The following PDE11A variants were observed in gnomAD, a reference collection of about 807,000 sequenced individuals.
PDE11A encodes the protein phosphodiesterase 11A.
PDE11A carries 100 observed loss-of-function variants against 100.5 expected under a neutral mutation model. The ratio of observed to expected loss-of-function variants is 1.00; its 90% confidence interval spans 0.85 to 1.18. The LOEUF (loss-of-function observed/expected upper bound fraction) is 1.18. PDE11A is among the 50% of genes most tolerant of loss of function. PDE11A has a pLI of 0.00. For synonymous variants in PDE11A, 381 were observed against 420.8 expected (o/e 0.91, Z 1.16); for missense variants, 1,141 against 1,152.6 (o/e 0.99, Z 0.15).
chr2:177,757,721 C>T (rs1280990558), intron 10 of PDE11A, among the ~76,000 whole-genome samples: 1 of 152,102 alleles, frequency 6.6e-6, no homozygotes, highest in Non-Finnish European at 1.5e-5. Flanking sequence ...CCTGTGGATG[C>T]TGCTCTGGGA....
At position 178,096,461 on chromosome 2, in the gene PDE11A, C is replaced by T. The variant is rs531097111; in HGVS notation, c.162+7841G>A. Among the ~76,000 whole-genome samples, 4 of 152,158 alleles carry T rather than the reference C, an allele frequency of 2.6e-5. No homozygotes were observed. In the South Asian group the frequency reaches 8.3e-4, roughly 32 times the overall value. ...GTGCTGGGATTACAGGCCTGAGCCA[C>T]TGCGCCTGGCCCACGTTTTTCTTTT... On this transcript the variant is annotated intron_variant, in intron 2 of 20. Transcript: ENST00000358450.
At chr2:177,684,342 C>A (rs1373057440) in intron 15 of PDE11A, among the ~76,000 whole-genome samples, 1 of 151,954 alleles carries the variant, frequency 6.6e-6, no homozygotes, top group Non-Finnish European at 1.5e-5. Context: ...ACCTGGGGCA[C>A]AAAACTGAAG....
chr2:177,852,910 C>A (rs961695510), intron 5 of PDE11A, among the ~76,000 whole-genome samples: 1 of 152,134 alleles, frequency 6.6e-6, no homozygotes, highest in African/African-American at 2.4e-5. Context: ...TTTAAGCATT[C>A]TGTATTAACA....
chr2:178,004,413 C>G (rs552171578), intron 2 of PDE11A, among the ~76,000 whole-genome samples: 3 of 152,148 alleles, frequency 2.0e-5, no homozygotes, highest in Non-Finnish European at 4.4e-5. Flanking sequence ...TTTCAGCATT[C>G]TAAGATGAAA....
At chr2:177,809,162 GA>G (rs1157415721) in intron 9 of PDE11A, among the ~76,000 whole-genome samples, 1 of 152,110 alleles carries the variant, frequency 6.6e-6, no homozygotes, top group African/African-American at 2.4e-5. Flanking sequence ...TTGGGAAGAT[GA>G]AAAAGTTCTG....
intron 5 of PDE11A, among the ~76,000 whole-genome samples, chr2:177,856,563 C>T (rs1028163428): frequency 1.3e-5 from 2 of 151,940 alleles, no homozygotes; most frequent in Non-Finnish European, 2.9e-5. Flanking sequence ...TATGAGAAGG[C>T]TGTCTCCCAA....
At chr2:177,964,822 C>A (rs778355421) in intron 2 of PDE11A, among the ~76,000 whole-genome samples, 4 of 152,110 alleles carry the variant, frequency 2.6e-5, no homozygotes, top group Admixed American at 6.6e-5. Context: ...ACTAGTGCTG[C>A]GATGAACGTG....
At chr2:177,647,614 C>T (rs2080242146) in intron 19 of PDE11A, among the ~76,000 whole-genome samples, 2 of 152,182 alleles carry the variant, frequency 1.3e-5, no homozygotes, top group Admixed American at 6.5e-5. Flanking sequence ...GGCTTCCTGC[C>T]TAGCACCAGA....
At chr2:177,812,922 T>C (rs147437199) in intron 9 of PDE11A, among the ~76,000 whole-genome samples, 20 of 87,082 alleles carry the variant, frequency 2.3e-4, no homozygotes, top group African/African-American at 1.1e-3. Flanking sequence ...TATATAGAAT[T>C]TGTATCCAAC....
chr2:177,672,739 A>G (rs2080701989), intron 17 of PDE11A, among the ~76,000 whole-genome samples: 1 of 152,234 alleles, frequency 6.6e-6, no homozygotes, highest in Admixed American at 6.5e-5. Context: ...GCTTATAACC[A>G]GGAATGAAAG....
chr2:177,826,152 A>C (rs1574183525), intron 6 of PDE11A, among the ~76,000 whole-genome samples: 2 of 152,186 alleles, frequency 1.3e-5, no homozygotes, highest in East Asian at 3.8e-4. Flanking sequence ...GCGAGTGCTT[A>C]GTTCTTTCCA....
intron 6 of PDE11A, among the ~76,000 whole-genome samples, chr2:177,834,273 A>T (rs1232731403): frequency 1.3e-5 from 2 of 152,164 alleles, no homozygotes; most frequent in South Asian, 4.2e-4. Flanking sequence ...TGCAGACCCA[A>T]ACATCTCTCT....
chr2:177,921,184 C>T (rs140035320), intron 2 of PDE11A, among the ~76,000 whole-genome samples: 52 of 149,460 alleles, frequency 3.5e-4, no homozygotes, highest in African/African-American at 1.2e-3. Context: ...GATCCAGAAA[C>T]GTAGCATATT....
intron 9 of PDE11A, among the ~76,000 whole-genome samples, chr2:177,812,245 C>T (rs116227877): frequency 1.7e-3 from 261 of 152,170 alleles, no homozygotes; most frequent in African/African-American, 6.1e-3. Flanking sequence ...ACCCATTTAA[C>T]ATATGAATAA....
At chr2:178,035,967 A>G (rs2086608411) in intron 1 of PDE11A, among the ~76,000 whole-genome samples, 1 of 152,214 alleles carries the variant, frequency 6.6e-6, no homozygotes, top group African/African-American at 2.4e-5. Context: ...CCAACACAAG[A>G]CAAGGATGCC....
At chr2:177,795,934 A>AATATATATATATAT (rs1558942848) in intron 9 of PDE11A, among the ~76,000 whole-genome samples, 6 of 35,382 alleles carry the variant, frequency 1.7e-4, no homozygotes, top group East Asian at 1.2e-3. Flanking sequence ...TTTTGTTTAA[A>AATATATATATATAT]CTATATATAT....
intron 2 of PDE11A, among the ~76,000 whole-genome samples, chr2:177,989,729 C>T (rs2085980873): frequency 6.6e-6 from 1 of 152,050 alleles, no homozygotes; most frequent in African/African-American, 2.4e-5. Flanking sequence ...ACCAGGAGTC[C>T]ACTGGAATCC....
intron 1 of PDE11A, among the ~76,000 whole-genome samples, chr2:178,025,886 GAGGCTCTAAGGTAAAACC>G (rs2086472404): frequency 6.6e-6 from 1 of 152,196 alleles, no homozygotes; most frequent in South Asian, 2.1e-4. Flanking sequence ...TCAGGGAAAT[GAGGCTCTAAGGTAAAACC>G]AGGAAGGCCA....
intron 2 of PDE11A, chr2:177,922,029 T>A (rs1340830364): frequency 1.3e-5 from 2 of 152,224 alleles, no homozygotes; most frequent in South Asian, 2.1e-4. Context: ...TTTACAAAAC[T>A]TTCCTCCTTC....
Sources: allele counts gnomAD v4.1 joint callset (sites outside exome capture counted in the v4.1 genomes callset), GRCh38; gene constraint gnomAD v4.1.1; transcripts MANE v1.5; gene names NCBI Gene and HGNC (gene_info 2026-07-23, HGNC 2026-07-21).